KCND2: variants seen among roughly 807,000 people sequenced by gnomAD.
KCND2 encodes potassium voltage-gated channel subfamily D member 2.
Under a neutral mutation model 54.4 loss-of-function variants are expected in KCND2, and 16 were observed. That is an observed-to-expected ratio of 0.29 (90% CI 0.20 to 0.45). The LOEUF is 0.45. Among genes scored for constraint, KCND2 ranks in the 20% least tolerant of loss-of-function variants. The probability of loss-of-function intolerance (pLI) is 1.00; values close to 1 mark genes in which losing one functional copy is unlikely to be tolerated. For synonymous variants in KCND2, 317 were observed against 310.7 expected (o/e 1.02, Z -0.21); for missense variants, 486 against 824.2 (o/e 0.59, Z 5.02).
chr7:120,450,364 G>A (rs534518202), intron 1 of KCND2, among the ~76,000 whole-genome samples: 10 of 152,212 alleles, frequency 6.6e-5, no homozygotes, highest in African/African-American at 2.2e-4. Flanking sequence ...AGCCGAGATC[G>A]CGTCACTGCA....
In KCND2 at chr7:120,730,905, CCTCCTAAA is replaced by C. The variant is rs572810841; in HGVS notation, c.1116-1993_1116-1986del. Among the ~76,000 whole-genome samples, 831 of 152,308 alleles carry C rather than the reference CCTCCTAAA, an allele frequency of 5.5e-3. 1 individual carries two copies. Among genetic ancestry groups the C allele is most frequent in the Non-Finnish European group, 9.3e-3 (636 of 68,042 alleles). On this transcript the variant is annotated intron_variant, in intron 1 of 5. Coordinates refer to ENST00000331113, the MANE Select transcript of KCND2 (RefSeq NM_012281.3). ...CTCAAGATACAATATAACCCCAAGT[CCTCCTAAA>C]CTCCCTTGAGCATGGATTCTAGTAT...
At chr7:120,486,590 G>A (rs1562852343) in intron 1 of KCND2, among the ~76,000 whole-genome samples, 1 of 151,986 alleles carries the variant, frequency 6.6e-6, no homozygotes, top group Non-Finnish European at 1.5e-5. Flanking sequence ...GACCCAGGTA[G>A]ATCATCAAGA....
intron 1 of KCND2, among the ~76,000 whole-genome samples, chr7:120,522,913 A>G (rs767161721): frequency 6.6e-6 from 1 of 152,166 alleles, no homozygotes; most frequent in Non-Finnish European, 1.5e-5. Context: ...ATTTTCAGTA[A>G]TGCCTTTGCC....
At chr7:120,463,620 G>T (rs1448156803) in intron 1 of KCND2, among the ~76,000 whole-genome samples, 1 of 151,992 alleles carries the variant, frequency 6.6e-6, no homozygotes, top group Non-Finnish European at 1.5e-5. Flanking sequence ...CTCTTGGGTT[G>T]TAAATTATAG....
intron 1 of KCND2, among the ~76,000 whole-genome samples, chr7:120,428,570 G>A (rs758337977): frequency 3.3e-5 from 5 of 152,118 alleles, no homozygotes; most frequent in Non-Finnish European, 5.9e-5. Context: ...AGTGGCAGAT[G>A]GCAAAAGACT....
chr7:120,741,512 A>T (rs1472259905), intron 2 of KCND2, 22 bp from the exon 3 acceptor site: 1 of 1,495,864 alleles, frequency 6.7e-7, no homozygotes, highest in African/African-American at 1.4e-5. Flanking sequence ...TGTTAATGGG[A>T]TGTTTATTTT....
chr7:120,736,945 A>G (rs1023363795), intron 2 of KCND2, among the ~76,000 whole-genome samples: 4 of 151,560 alleles, frequency 2.6e-5, no homozygotes, highest in Non-Finnish European at 4.4e-5. Flanking sequence ...ATTGACTTAG[A>G]AAGACACTAC....
In KCND2 at chr7:120,439,039, A is replaced by G. The variant is rs193115195; in HGVS notation, c.1115+163292A>G. Among the ~76,000 whole-genome samples, 5 of 152,216 alleles carry G rather than the reference A, an allele frequency of 3.3e-5. No homozygotes were observed. The East Asian group carries it at 7.7e-4, about 23-fold the overall frequency. ...GGTCAATAGTGGAATAGCTATACTG[A>G]TGATTCTTTGCTCTTTATATGAAAT... On this transcript the variant is annotated intron_variant, in intron 1 of 5. Transcript: ENST00000331113.
intron 1 of KCND2, among the ~76,000 whole-genome samples, chr7:120,474,704 T>G (rs1407450054): frequency 6.6e-6 from 1 of 151,960 alleles, no homozygotes; most frequent in East Asian, 1.9e-4. Context: ...TTTCTTTGAT[T>G]TATCTAACAC....
At chr7:120,405,988 C>A (rs1484605569) in intron 1 of KCND2, among the ~76,000 whole-genome samples, 2 of 151,766 alleles carry the variant, frequency 1.3e-5, no homozygotes, top group African/African-American at 4.8e-5. Context: ...TTGTAGCTTT[C>A]ATTTCTCAGT....
chr7:120,470,625 T>A (rs534014048), intron 1 of KCND2, among the ~76,000 whole-genome samples: 1 of 152,014 alleles, frequency 6.6e-6, no homozygotes, highest in African/African-American at 2.4e-5. Context: ...AAATAGTAAA[T>A]TGAAATGAGG....
At chr7:120,386,377 T>C (rs1330067323) in intron 1 of KCND2, among the ~76,000 whole-genome samples, 5 of 152,144 alleles carry the variant, frequency 3.3e-5, no homozygotes, top group Non-Finnish European at 5.9e-5. Context: ...CTCTCTGCCC[T>C]TCTTGCCTCT....
At chr7:120,574,028 A>T (rs1008424190) in intron 1 of KCND2, among the ~76,000 whole-genome samples, 1 of 152,224 alleles carries the variant, frequency 6.6e-6, no homozygotes, top group African/African-American at 2.4e-5. Context: ...AGTATTAGAC[A>T]CTTAAAAGAA....
chr7:120,285,858 G>A (rs1799334037), intron 1 of KCND2, among the ~76,000 whole-genome samples: 4 of 151,818 alleles, frequency 2.6e-5, no homozygotes, highest in South Asian at 2.1e-4. Context: ...ACTCTTCTTT[G>A]TGGAAATAGG....
rs546066502 is a variant in KCND2, at chr7:120,349,915, T to C, written c.1115+74168T>C. Among the ~76,000 whole-genome samples the C allele has an allele frequency of 2.6e-5, 4 of 152,264 alleles. No homozygotes were observed. In the East Asian group the frequency reaches 5.8e-4, roughly 22 times the overall value. ...TTTACTACTTATTCTCTTTAGTATC[T>C]TTTAAGTTCCTTTGTGAATGCAATG... On this transcript the variant is annotated intron_variant, in intron 1 of 5. Transcript: ENST00000331113.
chr7:120,579,873 T>C (rs1009461979), intron 1 of KCND2, among the ~76,000 whole-genome samples: 2 of 152,094 alleles, frequency 1.3e-5, no homozygotes, highest in Non-Finnish European at 2.9e-5. Flanking sequence ...CCAAGAAAAG[T>C]TGGGCTTTTG....
chr7:120,389,005 C>A (rs1395974318), intron 1 of KCND2, among the ~76,000 whole-genome samples: 4 of 151,488 alleles, frequency 2.6e-5, no homozygotes, highest in South Asian at 2.1e-4. Flanking sequence ...TGTTGCCATG[C>A]TGGTCTACTT....
intron 4 of KCND2, among the ~76,000 whole-genome samples, chr7:120,743,348 A>G (rs900197532): frequency 7.9e-5 from 12 of 152,210 alleles, no homozygotes; most frequent in Non-Finnish European, 2.9e-5. Flanking sequence ...TTGCCTGTTC[A>G]TGTACTTATT....
intron 1 of KCND2, among the ~76,000 whole-genome samples, chr7:120,380,877 T>C (rs1800907741): frequency 6.6e-6 from 1 of 152,128 alleles, no homozygotes; most frequent in South Asian, 2.1e-4. Flanking sequence ...TAGATGCATT[T>C]ACCTCAAGAG....
Sources: gnomAD v4.1 joint callset for allele counts (sites outside exome capture counted in the v4.1 genomes callset) on GRCh38, gnomAD v4.1.1 for gene constraint, MANE v1.5 for transcripts, NCBI Gene and HGNC (gene_info 2026-07-23, HGNC 2026-07-21) for gene names.